Variants in WFDC2 observed in about 807,000 individuals in gnomAD.
WFDC2 encodes WAP four-disulfide core domain protein 2.
In WFDC2, 8 loss-of-function variants were observed where a neutral mutation model predicts 12.5. That is an observed-to-expected ratio of 0.64 (90% CI 0.37 to 1.15). The LOEUF (loss-of-function observed/expected upper bound fraction) is 1.15. Ranked by LOEUF, WFDC2 falls within the 50% of genes most tolerant of loss-of-function variation. The probability of loss-of-function intolerance (pLI) is 0.01; values close to 1 mark genes in which losing one functional copy is unlikely to be tolerated. For synonymous variants in WFDC2, 74 were observed against 67.2 expected (o/e 1.10, Z -0.49); for missense variants, 166 against 159.9 (o/e 1.04, Z -0.21).
In WFDC2 at chr20:45,469,858, C is replaced by T; in HGVS notation, c.77C>T (p.Ser26Leu). 6.2e-7 allele frequency: 1 copy of T among 1,607,870 alleles called. No homozygotes were observed. Among genetic ancestry groups the T allele is most frequent in the Non-Finnish European group, 8.5e-7 (1 of 1,177,688 alleles). The change falls in exon 1 of 4, where the codon TCA (serine) becomes TTA (leucine). Residue 26 changes from serine to leucine, a missense_variant and splice_region_variant. Coordinates refer to ENST00000372676, the MANE Select transcript of WFDC2 (RefSeq NM_006103.4). ...CTGCTGTTCGGCTTCACCCTAGTCT[C>T]AGGTGAGTGGGGCGGGGAGAGGCCC... The part of the protein sequence containing the change: ...SLLLFGFTLV[S>L]GTGAEKTGVC...
At chr20:45,481,031 A>G (rs1199576451) in intron 3 of WFDC2, among the ~76,000 whole-genome samples, 1 of 152,214 alleles carries the variant, frequency 6.6e-6, no homozygotes, top group African/African-American at 2.4e-5. Context: ...AAGGCATGGC[A>G]GAACTTCCTA....
intron 3 of WFDC2, among the ~76,000 whole-genome samples, 171 bp from the exon 4 acceptor site, chr20:45,481,200 C>T (rs945067729): frequency 6.6e-6 from 1 of 152,002 alleles, no homozygotes; most frequent in African/African-American, 2.4e-5. Context: ...AAGAGTATGT[C>T]TAGAACCTGT....
In WFDC2 at chr20:45,470,508, G is replaced by GC; in HGVS notation, c.201dup (p.Thr68HisfsTer8). ...CCTCAAGTGCTGCAGCGCGGGCTGT[G>GC]CCACCTTCTGCTCTCTGCCCAATGG... On this transcript the variant is annotated frameshift_variant, in exon 2 of 4. Transcript: ENST00000372676. LOFTEE classifies it high-confidence loss of function. The surrounding 1 kb of genome is among the most constrained non-coding windows in gnomAD (Gnocchi z 5.4). 1 of 1,598,946 alleles carries GC rather than the reference G, an allele frequency of 6.3e-7. No individual in the cohort carries two copies. The highest frequency in any genetic ancestry group is 2.2e-5 in the East Asian group (1 of 44,532).
intron 2 of WFDC2, among the ~76,000 whole-genome samples, chr20:45,476,632 T>G (rs1184303721): frequency 6.6e-6 from 1 of 152,228 alleles, no homozygotes; most frequent in Non-Finnish European, 1.5e-5. Flanking sequence ...CCTTGGTGAA[T>G]CTGATGATTA....
chr20:45,477,003 G>T (rs749000109), intron 2 of WFDC2, among the ~76,000 whole-genome samples: 18 of 151,648 alleles, frequency 1.2e-4, no homozygotes, highest in Non-Finnish European at 1.5e-5. Flanking sequence ...TGACGTTCTC[G>T]TGCTGTGTTT....
At chr20:45,476,063 T>C (rs928813060) in intron 2 of WFDC2, among the ~76,000 whole-genome samples, 1 of 152,214 alleles carries the variant, frequency 6.6e-6, no homozygotes, top group African/African-American at 2.4e-5. Flanking sequence ...TTTGAGCCTA[T>C]GTGTCTTTGC....
intron 2 of WFDC2, among the ~76,000 whole-genome samples, chr20:45,472,351 G>A (rs1991182871): frequency 6.6e-6 from 1 of 152,158 alleles, no homozygotes; most frequent in Non-Finnish European, 1.5e-5. Context: ...TCCTACTTAT[G>A]AGTGAGAACA....
intron 3 of WFDC2, among the ~76,000 whole-genome samples, chr20:45,481,057 T>C (rs1991295359): frequency 6.6e-6 from 1 of 152,170 alleles, no homozygotes; most frequent in African/African-American, 2.4e-5. Flanking sequence ...AGAAGGATTC[T>C]TGGGGAGAGA....
chr20:45,479,499 G>A (rs1991273139), intron 2 of WFDC2: 1 of 635,366 alleles, frequency 1.6e-6, no homozygotes, highest in Admixed American at 2.6e-5. Context: ...TATGTTAGGG[G>A]CTTGATACCT....
At chr20:45,471,916 T>C (rs1991177529) in intron 2 of WFDC2, among the ~76,000 whole-genome samples, 1 of 152,198 alleles carries the variant, frequency 6.6e-6, no homozygotes, top group African/African-American at 2.4e-5. Flanking sequence ...TTCCAAACTC[T>C]ATAGGATTGG....
chr20:45,478,132 G>T (rs529129248), intron 2 of WFDC2, among the ~76,000 whole-genome samples: 1 of 152,246 alleles, frequency 6.6e-6, no homozygotes, highest in South Asian at 2.1e-4. Context: ...TAGACCACTT[G>T]TCTCCCTAGC....
At position 45,480,059 on chromosome 20, in the gene WFDC2, G is replaced by A. The variant is rs1991282859; in HGVS notation, c.341G>A (p.Cys114Tyr). The change falls in exon 3 of 4, where the codon TGT becomes TAT. Residue 114 changes from cysteine (C) to tyrosine (Y), a missense_variant. By Grantham distance (194) the Cys-to-Tyr change is radical (BLOSUM62 -2). Coordinates refer to ENST00000372676, the MANE Select transcript of WFDC2 (RefSeq NM_006103.4). ...PGQMKCCRNGCGKVSCVTPNF is the reference protein window; with the variant it reads ...PGQMKCCRNGYGKVSCVTPNF ...CAGATGAAATGCTGCCGCAATGGCT[G>A]TGGGAAGGTGTCCTGTGTCACTCCC... 6.2e-7 allele frequency: 1 copy of A among 1,614,254 alleles called. No homozygotes were observed. Among genetic ancestry groups the A allele is most frequent in the Non-Finnish European group, 8.5e-7 (1 of 1,180,046 alleles).
chr20:45,475,473 T>C (rs1164571375), intron 2 of WFDC2, among the ~76,000 whole-genome samples: 1 of 152,218 alleles, frequency 6.6e-6, no homozygotes, highest in Non-Finnish European at 1.5e-5. Flanking sequence ...TCAGTTTCCA[T>C]GTAAGGTTAT....
chr20:45,479,738 T>C, intron 2 of WFDC2: 1 of 1,614,010 alleles, frequency 6.2e-7, no homozygotes, highest in Non-Finnish European at 8.5e-7. Flanking sequence ...GGTCCTGTGA[T>C]TCCATTTGGG....
rs1991161160 is a variant in WFDC2, at chr20:45,470,774, A to G, written c.223+242A>G. On this transcript the variant is annotated intron_variant, in intron 2 of 3. Coordinates refer to ENST00000372676, the MANE Select transcript of WFDC2 (RefSeq NM_006103.4). This position sits in a 1 kb window ranked among gnomAD's most constrained non-coding sequence, Gnocchi z 5.4. Reference sequence around the variant, plus strand: ...TAGCTGGGATTCGAGTCTCTGGTGCATGACGGGCTTCCGGGCACGCACAGC... The same window carrying G: ...TAGCTGGGATTCGAGTCTCTGGTGCGTGACGGGCTTCCGGGCACGCACAGC... 6.6e-6 allele frequency among the ~76,000 whole-genome samples: 1 copy of G among 152,172 alleles called. No homozygotes were observed. Among genetic ancestry groups the G allele is most frequent in the Non-Finnish European group, 1.5e-5 (1 of 68,014 alleles).
Position 45,479,825 on chromosome 20 carries a change from G to A in WFDC2, c.224-117G>A, listed in dbSNP as rs766558307. ...CAGGTGCCCAAGATGGACTCAGGCAGGCAGCTCTGCTGTATGTGAAGCCCA... is the reference window on the plus strand; with the variant it reads ...CAGGTGCCCAAGATGGACTCAGGCAAGCAGCTCTGCTGTATGTGAAGCCCA... On this transcript the variant is annotated intron_variant, in intron 2 of 3. Transcript: ENST00000372676. 24 of 1,613,134 alleles carry A rather than the reference G, an allele frequency of 1.5e-5. No individual in the cohort carries two copies. The Middle Eastern group carries it at 1.3e-3, about 88-fold the overall frequency.
At chr20:45,471,269 G>A (rs1991168935) in intron 2 of WFDC2, 2 of 443,624 alleles carry the variant, frequency 4.5e-6, no homozygotes, top group Non-Finnish European at 9.6e-6. Context: ...GCGAGCTGGG[G>A]ACTCTCTCAA....
Position 45,470,476 on chromosome 20 carries a change from C to T in WFDC2, c.167C>T (p.Ala56Val). 1 of 1,597,490 alleles carries T rather than the reference C, an allele frequency of 6.3e-7. No individual in the cohort carries two copies. ...GAGTGCGTCTCGGACAGCGAATGCG[C>T]CGACAACCTCAAGTGCTGCAGCGCG... ...TQECVSDSEC[A>V]DNLKCCSAGC... The change falls in exon 2 of 4, where the codon GCC becomes GTC. Residue 56 changes from alanine (A) to valine (V), a missense_variant. Transcript: ENST00000372676. This position sits in a 1 kb window ranked among gnomAD's most constrained non-coding sequence, Gnocchi z 5.4.
chr20:45,478,577 G>T (rs1376277099), intron 2 of WFDC2, among the ~76,000 whole-genome samples: 1 of 152,094 alleles, frequency 6.6e-6, no homozygotes, highest in Non-Finnish European at 1.5e-5. Context: ...GATTCACTGG[G>T]AGCTGCAGAC....
Sources: gnomAD v4.1 joint callset for allele counts (sites outside exome capture counted in the v4.1 genomes callset) on GRCh38, gnomAD v4.1.1 for gene constraint, Gnocchi (gnomAD v3.1) non-coding constraint, MANE v1.5 for transcripts, NCBI Gene and HGNC (gene_info 2026-07-23, HGNC 2026-07-21) for gene names.